Variants in CUBN observed in about 807,000 individuals in gnomAD.
CUBN encodes the protein 460 kDa receptor.
A neutral mutation model predicts 405.3 loss-of-function variants in CUBN; 282 were observed. That is an observed-to-expected ratio of 0.70 (90% CI 0.63 to 0.77). The LOEUF (loss-of-function observed/expected upper bound fraction) is 0.77. Among genes scored for constraint, CUBN ranks in the 30% least tolerant of loss-of-function variants. The pLI, the probability that CUBN is intolerant of heterozygous loss-of-function variation, is 0.00. For synonymous variants in CUBN, 1,684 were observed against 1,617.0 expected, an observed-to-expected ratio of 1.04 and a Z score of -0.99; for missense variants, 4,514 against 4,475.2, an observed-to-expected ratio of 1.01 and a Z score of -0.25.
chr10:16,914,191 T>C (rs1841815513), intron 47 of CUBN, among the ~76,000 whole-genome samples, 199 bp from the exon 48 acceptor site: 1 of 152,168 alleles, frequency 6.6e-6, no homozygotes, highest in South Asian at 2.1e-4. Context: ...CTGCCTTCCA[T>C]GGGTGATAGT....
intron 58 of CUBN, among the ~76,000 whole-genome samples, chr10:16,872,213 C>T (rs1840376500): frequency 6.6e-6 from 1 of 151,992 alleles, no homozygotes; most frequent in Non-Finnish European, 1.5e-5. Context: ...GCACTCCAGC[C>T]TGGGCGACAG....
At chr10:17,013,326 TTC>T (rs1444839389) in intron 28 of CUBN, among the ~76,000 whole-genome samples, 1 of 151,828 alleles carries the variant, frequency 6.6e-6, no homozygotes, top group Non-Finnish European at 1.5e-5. Context: ...CTGTCTCTTC[TTC>T]TCTCTCACTC....
At position 16,940,058 on chromosome 10, in the gene CUBN, G is replaced by A. The variant is rs138989259; in HGVS notation, c.5522C>T (p.Thr1841Met). 1.7e-4 allele frequency: 280 copies of A among 1,613,998 alleles called. 1 individual carries two copies. The highest frequency in any genetic ancestry group is 1.4e-3 in the African/African-American group (103 of 75,044). Residue 1841 changes from threonine to methionine, a missense_variant, in exon 37 of 67, where the codon ACG becomes ATG. By Grantham distance (81) the Thr-to-Met change is moderately conservative. Coordinates refer to ENST00000377833, the MANE Select transcript of CUBN (RefSeq NM_001081.4). ...CTTCATAAATGTGGCCTGGAAGCCC[G>A]TGCCGCTGCCAGAACCATCTGAGAT... ...RFISDGSGSG[T>M]GFQATFMKIF... is the part of the protein sequence containing the mutation.
At chr10:16,955,075 C>CT (rs1002082234) in intron 31 of CUBN, among the ~76,000 whole-genome samples, 29 of 152,100 alleles carry the variant, frequency 1.9e-4, no homozygotes, top group African/African-American at 6.3e-4. Context: ...AGAAAACTAC[C>CT]TCTCTCTCTT....
chr10:17,010,624 G>A (rs1014141008), intron 28 of CUBN, among the ~76,000 whole-genome samples: 5 of 151,906 alleles, frequency 3.3e-5, no homozygotes, highest in African/African-American at 1.2e-4. Context: ...GGATGACAGA[G>A]CAAGATCCTA....
intron 40 of CUBN, among the ~76,000 whole-genome samples, chr10:16,929,057 T>C (rs1842294282): frequency 6.6e-6 from 1 of 151,950 alleles, no homozygotes; most frequent in Admixed American, 6.6e-5. Context: ...TGTTACAATA[T>C]CATTCACCAA....
At chr10:16,928,364 T>C in intron 40 of CUBN, 61 bp from the exon 41 acceptor site, 5 of 1,582,134 alleles carry the variant, frequency 3.2e-6, no homozygotes, top group Admixed American at 1.7e-5. Context: ...CTACAATCAT[T>C]TGCAGCTTAG....
intron 43 of CUBN, among the ~76,000 whole-genome samples, chr10:16,921,130 T>C (rs1321920499): frequency 2.6e-5 from 4 of 152,220 alleles, no homozygotes; most frequent in African/African-American, 9.6e-5. Context: ...ATTCACCCAT[T>C]ACTTTTCATA....
At chr10:17,084,216 G>A in intron 17 of CUBN, 55 bp downstream of exon 17, 2 of 1,563,370 alleles carry the variant, frequency 1.3e-6, no homozygotes, top group South Asian at 1.1e-5. Context: ...CCACTCTGCA[G>A]AATATAAAAA....
At chr10:16,893,499 C>T (rs1841095987) in intron 54 of CUBN, among the ~76,000 whole-genome samples, 1 of 152,066 alleles carries the variant, frequency 6.6e-6, no homozygotes, top group Non-Finnish European at 1.5e-5. Context: ...CCCTAAGTTG[C>T]TTTTGTTGTT....
intron 59 of CUBN, among the ~76,000 whole-genome samples, chr10:16,861,685 G>A (rs565517284): frequency 4.4e-4 from 67 of 152,102 alleles, no homozygotes; most frequent in African/African-American, 1.5e-3. Context: ...TTTGAATCTG[G>A]GATGTGATGC....
intron 59 of CUBN, 83 bp downstream of exon 59, chr10:16,869,553 G>A: frequency 1.0e-6 from 1 of 992,576 alleles, no homozygotes; most frequent in Admixed American, 1.7e-5. Flanking sequence ...TAATCAGGTG[G>A]GGGTGGGGGG....
chr10:16,865,125 T>C (rs899220302), intron 59 of CUBN, among the ~76,000 whole-genome samples: 10 of 151,714 alleles, frequency 6.6e-5, no homozygotes, highest in African/African-American at 1.7e-4. Flanking sequence ...TGCACCACCA[T>C]GCCTGGCTAA....
intron 22 of CUBN, among the ~76,000 whole-genome samples, chr10:17,061,110 A>G (rs955410840): frequency 6.6e-6 from 1 of 152,054 alleles, no homozygotes; most frequent in Non-Finnish European, 1.5e-5. Context: ...CAAACAAACA[A>G]AAGTATTCCT....
At chr10:16,869,138 C>A (rs1323519798) in intron 59 of CUBN, among the ~76,000 whole-genome samples, 1 of 151,260 alleles carries the variant, frequency 6.6e-6, no homozygotes, top group African/African-American at 2.4e-5. Context: ...GTTCTTCTAG[C>A]CTTCCTCCAC....
At chr10:16,829,885 G>A (rs564060145) in intron 65 of CUBN, among the ~76,000 whole-genome samples, 2 of 151,200 alleles carry the variant, frequency 1.3e-5, no homozygotes, top group Non-Finnish European at 2.9e-5. Flanking sequence ...GCAGTGGCAC[G>A]ATCTTGGCTC....
intron 16 of CUBN, among the ~76,000 whole-genome samples, chr10:17,085,267 C>T (rs941570654): frequency 1.3e-5 from 2 of 152,182 alleles, no homozygotes; most frequent in African/African-American, 4.8e-5. Context: ...AGAGAGACTG[C>T]ACTGCTCGCA....
intron 14 of CUBN, among the ~76,000 whole-genome samples, chr10:17,090,573 C>T (rs1020651880): frequency 7.2e-5 from 11 of 151,926 alleles, no homozygotes; most frequent in African/African-American, 2.7e-4. Context: ...GAGCTGACAA[C>T]CATAGAGAGT....
At chr10:17,094,085 A>G (rs1259461153) in intron 14 of CUBN, among the ~76,000 whole-genome samples, 4 of 152,114 alleles carry the variant, frequency 2.6e-5, no homozygotes, top group Admixed American at 6.6e-5. Context: ...CTCAAGCAGG[A>G]CAAACACAGA....
Sources: allele counts gnomAD v4.1 joint callset (sites outside exome capture counted in the v4.1 genomes callset), GRCh38; gene constraint gnomAD v4.1.1; transcripts MANE v1.5; gene names NCBI Gene and HGNC (gene_info 2026-07-23, HGNC 2026-07-21).